The following FHIT variants were observed in gnomAD, a reference collection of about 807,000 sequenced individuals.
The protein encoded by FHIT is bis(5'-adenosyl)-triphosphatase.
In FHIT, 19 loss-of-function variants were observed where a neutral mutation model predicts 17.9. The observed-to-expected ratio is 1.06, with a 90% CI of 0.74 to 1.56. FHIT has a LOEUF of 1.56. FHIT is among the 40% of genes most tolerant of loss of function. The probability of loss-of-function intolerance (pLI) is 0.00; values close to 1 mark genes in which losing one functional copy is unlikely to be tolerated. For missense variants in FHIT, 248 were observed against 189.2 expected, an observed-to-expected ratio of 1.31 and a Z score of -1.82; for synonymous variants, 81 against 69.7, an observed-to-expected ratio of 1.16 and a Z score of -0.81.
rs190632033 is a variant in FHIT at position 60,866,064 on chromosome 3, A to T, written c.-110-44053T>A. Among the ~76,000 whole-genome samples, 828 of 152,286 alleles carry T rather than the reference A, an allele frequency of 5.4e-3. 2 individuals carry two copies. Among genetic ancestry groups the T allele is most frequent in the Non-Finnish European group, 8.5e-3 (579 of 68,020 alleles). ...AGGCCCTGAATCAGAGATGCCTGTC[A>T]TCTGTTCCCAAAGGCTCCAAACTCC... is the stretch of plus-strand genomic sequence containing the variant. On this transcript the variant is annotated intron_variant, in intron 3 of 9. Transcript: ENST00000492590.
rs79467460 is a variant in FHIT at position 61,176,799 on chromosome 3, A to C, written c.-164+23818T>G. ...TTGCATGGGCCCTCAGAGTGCCAAG[A>C]GTCCTTGGGAGTCCGTGTTCTAGCT... On this transcript the variant is annotated intron_variant, in intron 2 of 9. Transcript: ENST00000492590. Among the ~76,000 whole-genome samples, 305 of 152,316 alleles carry C rather than the reference A, an allele frequency of 2.0e-3. 4 individuals are homozygous for C. Among genetic ancestry groups the C allele is most frequent in the African/African-American group, 7.1e-3 (297 of 41,564 alleles).
intron 5 of FHIT, among the ~76,000 whole-genome samples, chr3:60,441,799 T>A (rs1208325688): frequency 8.4e-6 from 1 of 118,662 alleles, no homozygotes; most frequent in Non-Finnish European, 1.7e-5. Context: ...TATATATATA[T>A]ATATATATAT....
intron 5 of FHIT, among the ~76,000 whole-genome samples, chr3:60,124,758 C>CA (rs1236614307): frequency 6.6e-6 from 1 of 152,130 alleles, no homozygotes; most frequent in Non-Finnish European, 1.5e-5. Context: ...TTATTGACAA[C>CA]AAAAATACCC....
chr3:60,225,686 G>T (rs1704165327), intron 5 of FHIT, among the ~76,000 whole-genome samples: 1 of 152,166 alleles, frequency 6.6e-6, no homozygotes, highest in Non-Finnish European at 1.5e-5. Context: ...CAGAGCAACA[G>T]TAAATAAGCA....
chr3:61,155,251 G>A (rs1469093021), intron 2 of FHIT, among the ~76,000 whole-genome samples: 5 of 152,114 alleles, frequency 3.3e-5, no homozygotes, highest in African/African-American at 1.2e-4. Flanking sequence ...GGATGAGCCC[G>A]CAGACACAGA....
At chr3:59,953,965 A>G (rs1247827917) in intron 7 of FHIT, among the ~76,000 whole-genome samples, 1 of 152,216 alleles carries the variant, frequency 6.6e-6, no homozygotes, top group Non-Finnish European at 1.5e-5. Flanking sequence ...AGCAGAGCCC[A>G]TCCTTTTCCC....
chr3:61,032,115 T>C (rs2107669512), intron 3 of FHIT, among the ~76,000 whole-genome samples: 1 of 152,348 alleles, frequency 6.6e-6, no homozygotes, highest in East Asian at 1.9e-4. Context: ...GCTGCTTTGA[T>C]AGTTCATTCG....
intron 1 of FHIT, among the ~76,000 whole-genome samples, chr3:61,224,608 C>T (rs1479822182): frequency 2.0e-5 from 3 of 152,088 alleles, no homozygotes. Context: ...CGGGGTTTCA[C>T]CATGTTGGCC....
At chr3:59,942,314 C>A (rs927783034) in intron 7 of FHIT, among the ~76,000 whole-genome samples, 1 of 152,126 alleles carries the variant, frequency 6.6e-6, no homozygotes, top group Non-Finnish European at 1.5e-5. Context: ...TCTTTCCATG[C>A]CTTTGCCATA....
intron 4 of FHIT, among the ~76,000 whole-genome samples, chr3:60,559,764 G>T (rs373528428): frequency 1.1e-5 from 1 of 93,498 alleles, no homozygotes. Flanking sequence ...TCCCTCTTAC[G>T]GGCACTTACA....
chr3:60,200,970 A>G (rs1290999466), intron 5 of FHIT, among the ~76,000 whole-genome samples: 1 of 152,158 alleles, frequency 6.6e-6, no homozygotes, highest in East Asian at 1.9e-4. Context: ...CAGACAAGCA[A>G]CAAAAATAAA....
At chr3:60,376,524 CAA>C (rs1463071259) in intron 5 of FHIT, among the ~76,000 whole-genome samples, 1 of 152,140 alleles carries the variant, frequency 6.6e-6, no homozygotes, top group East Asian at 1.9e-4. Flanking sequence ...CTGCCTTCAG[CAA>C]AAGAGTCTTC....
chr3:59,764,884 A>G (rs1467620400), intron 8 of FHIT, among the ~76,000 whole-genome samples: 1 of 21,580 alleles, frequency 4.6e-5, no homozygotes, highest in African/African-American at 1.1e-4. Context: ...ACACACACAC[A>G]CACACACACA....
At chr3:60,506,588 A>G (rs2107534147) in intron 5 of FHIT, among the ~76,000 whole-genome samples, 1 of 152,294 alleles carries the variant, frequency 6.6e-6, no homozygotes, top group East Asian at 1.9e-4. Context: ...CAAGATGGTC[A>G]TGTGATGTGC....
At chr3:60,233,120 T>C (rs149057166) in intron 5 of FHIT, among the ~76,000 whole-genome samples, 2 of 152,270 alleles carry the variant, frequency 1.3e-5, no homozygotes, top group African/African-American at 4.8e-5. Flanking sequence ...AATGGGTACA[T>C]TGGGAGTCAC....
chr3:60,976,824 G>C (rs906426955), intron 3 of FHIT, among the ~76,000 whole-genome samples: 8 of 151,392 alleles, frequency 5.3e-5, no homozygotes, highest in African/African-American at 1.9e-4. Flanking sequence ...GGACAGCAAA[G>C]AAATGTTTCC....
intron 3 of FHIT, among the ~76,000 whole-genome samples, chr3:61,017,613 T>C (rs1384841796): frequency 6.6e-6 from 1 of 152,224 alleles, no homozygotes; most frequent in Non-Finnish European, 1.5e-5. Flanking sequence ...ACTCCCTGAA[T>C]ACAGGGACCA....
chr3:60,534,155 C>T (rs1213755184), intron 5 of FHIT, among the ~76,000 whole-genome samples: 2 of 151,082 alleles, frequency 1.3e-5, no homozygotes, highest in East Asian at 2.0e-4. Flanking sequence ...AGGCCGGGCG[C>T]GGTGGCTCAC....
chr3:60,060,019 T>C (rs1702236811), intron 5 of FHIT, among the ~76,000 whole-genome samples: 2 of 152,146 alleles, frequency 1.3e-5, no homozygotes, highest in African/African-American at 4.8e-5. Flanking sequence ...TTTGCTTTGA[T>C]AAACAACATA....
Sources: allele counts gnomAD v4.1 joint callset (sites outside exome capture counted in the v4.1 genomes callset), GRCh38; gene constraint gnomAD v4.1.1; transcripts MANE v1.5; gene names NCBI Gene and HGNC (gene_info 2026-07-23, HGNC 2026-07-21).